DRC11: variants seen among roughly 807,000 people sequenced by gnomAD.
DRC11 encodes the protein IQ and AAA domain-containing protein 1.
At chr2:236,493,709 A>C in the DRC11 span, 1 of 1,369,036 alleles carries the variant, frequency 7.3e-7, no homozygotes, top group Non-Finnish European at 9.9e-7. Context: ...AATTAGGAGC[A>C]GCAGAAAAAG....
At chr2:236,361,980 T>C in the DRC11 span, among the ~76,000 whole-genome samples, 4 of 152,116 alleles carry the variant, frequency 2.6e-5, no homozygotes, top group Admixed American at 2.6e-4. The surrounding 1 kb of genome is among the most constrained non-coding windows in gnomAD (Gnocchi z 5.7). Context: ...TCAGACCAGG[T>C]AGATTTCAAG....
At chr2:236,357,311 C>A in the DRC11 span, among the ~76,000 whole-genome samples, 6 of 114,536 alleles carry the variant, frequency 5.2e-5, no homozygotes, top group African/African-American at 2.3e-4. Context: ...TCATATAGAT[C>A]TATATATTAT....
At chr2:236,439,903 A>G in the DRC11 span, among the ~76,000 whole-genome samples, 1 of 152,206 alleles carries the variant, frequency 6.6e-6, no homozygotes, top group African/African-American at 2.4e-5. Context: ...TAGTATTATC[A>G]TTATTAAGAA....
the DRC11 span, among the ~76,000 whole-genome samples, chr2:236,470,669 CT>C: frequency 6.6e-6 from 1 of 152,058 alleles, no homozygotes; most frequent in Non-Finnish European, 1.5e-5. The surrounding 1 kb of genome is among the most constrained non-coding windows in gnomAD (Gnocchi z 5.1). Flanking sequence ...ATTTATGTAT[CT>C]GTGTTTATAC....
chr2:236,389,264 G>A, the DRC11 span, among the ~76,000 whole-genome samples: 6 of 152,048 alleles, frequency 3.9e-5, no homozygotes, highest in African/African-American at 1.2e-4. Context: ...CCCCAGCCTC[G>A]CTGCCGCCTT....
At chr2:236,328,423 GCCACTTTTATTCC>G in the DRC11 span, among the ~76,000 whole-genome samples, 3 of 151,980 alleles carry the variant, frequency 2.0e-5, no homozygotes, top group Non-Finnish European at 4.4e-5. This position sits in a 1 kb window ranked among gnomAD's most constrained non-coding sequence, Gnocchi z 6.7. Context: ...TTTCTTATGG[GCCACTTTTATTCC>G]CCACCTAGAT....
chr2:236,308,479 G>T, the DRC11 span, among the ~76,000 whole-genome samples: 2 of 152,250 alleles, frequency 1.3e-5, no homozygotes, highest in Admixed American at 6.5e-5. The surrounding 1 kb of genome is among the most constrained non-coding windows in gnomAD (Gnocchi z 6.0). Flanking sequence ...TCTGTGTGGG[G>T]ATACTCGTGG....
At chr2:236,348,740 A>G in the DRC11 span, among the ~76,000 whole-genome samples, 1 of 152,176 alleles carries the variant, frequency 6.6e-6, no homozygotes, top group African/African-American at 2.4e-5. The surrounding 1 kb of genome is among the most constrained non-coding windows in gnomAD (Gnocchi z 7.4). Flanking sequence ...ATGATGCTGA[A>G]GAGCAGACAT....
the DRC11 span, chr2:236,486,793 A>G: frequency 7.2e-7 from 1 of 1,394,568 alleles, no homozygotes; most frequent in East Asian, 2.3e-5. This position sits in a 1 kb window ranked among gnomAD's most constrained non-coding sequence, Gnocchi z 5.7. Context: ...TATTGTCTTT[A>G]AGAAAACCAG....
the DRC11 span, among the ~76,000 whole-genome samples, chr2:236,340,202 C>T: frequency 1.3e-5 from 2 of 152,234 alleles, no homozygotes; most frequent in Admixed American, 6.5e-5. Context: ...ACAATCTCTG[C>T]TCATTGCAAT....
chr2:236,449,635 T>C, the DRC11 span, among the ~76,000 whole-genome samples: 1 of 152,194 alleles, frequency 6.6e-6, no homozygotes, highest in Non-Finnish European at 1.5e-5. This position sits in a 1 kb window ranked among gnomAD's most constrained non-coding sequence, Gnocchi z 5.1. Flanking sequence ...ATTCAATTCA[T>C]GTCAGTTTAG....
At chr2:236,338,440 A>G in the DRC11 span, 1 of 1,500,998 alleles carries the variant, frequency 6.7e-7, no homozygotes, top group Non-Finnish European at 9.1e-7. Flanking sequence ...AAAAAATGAA[A>G]GAAAATTTAC....
chr2:236,484,138 C>A, the DRC11 span, among the ~76,000 whole-genome samples: 1 of 152,180 alleles, frequency 6.6e-6, no homozygotes, highest in Non-Finnish European at 1.5e-5. Context: ...TTATGTTATT[C>A]TCTGACATTT....
the DRC11 span, among the ~76,000 whole-genome samples, chr2:236,418,595 T>C: frequency 1.8e-4 from 26 of 147,856 alleles, no homozygotes; most frequent in African/African-American, 6.2e-4. Context: ...CCCCCAGTTA[T>C]TGGCAAGTTC....
chr2:236,419,209 T>TTTC, the DRC11 span: 1 of 1,546,492 alleles, frequency 6.5e-7, no homozygotes, highest in Non-Finnish European at 8.7e-7. This position sits in a 1 kb window ranked among gnomAD's most constrained non-coding sequence, Gnocchi z 4.8. Context: ...GTTTTTCCTT[T>TTTC]TTCTTCTTCT....
chr2:236,488,455 G>A, the DRC11 span, among the ~76,000 whole-genome samples: 6 of 152,096 alleles, frequency 3.9e-5, no homozygotes, highest in East Asian at 9.6e-4. Flanking sequence ...TTAGCTCCAC[G>A]ATATTTTAGG....
the DRC11 span, among the ~76,000 whole-genome samples, chr2:236,430,345 T>C: frequency 6.6e-6 from 1 of 152,238 alleles, no homozygotes; most frequent in African/African-American, 2.4e-5. This position sits in a 1 kb window ranked among gnomAD's most constrained non-coding sequence, Gnocchi z 6.0. Flanking sequence ...TCTTCAGTTA[T>C]AGCAAAATCT....
At chr2:236,507,347 A>C in the DRC11 span, 1 of 1,475,358 alleles carries the variant, frequency 6.8e-7, no homozygotes, top group African/African-American at 1.4e-5. Flanking sequence ...AGCAGGGGTC[A>C]GGGCACTACC....
chr2:236,420,590 T>A, the DRC11 span, among the ~76,000 whole-genome samples: 2 of 151,976 alleles, frequency 1.3e-5, no homozygotes, highest in Non-Finnish European at 2.9e-5. This position sits in a 1 kb window ranked among gnomAD's most constrained non-coding sequence, Gnocchi z 4.8. Context: ...TATTTGGCCA[T>A]GCAAAAATGA....
Sources: allele counts gnomAD v4.1 joint callset (sites outside exome capture counted in the v4.1 genomes callset), GRCh38; gene constraint gnomAD v4.1.1; non-coding constraint Gnocchi (gnomAD v3.1); transcripts MANE v1.5; gene names NCBI Gene and HGNC (gene_info 2026-07-23, HGNC 2026-07-21).